Variants in SH3D19 observed in about 807,000 individuals in gnomAD.
SH3D19 encodes the protein SH3 domain-containing protein 19.
A neutral mutation model predicts 112.1 loss-of-function variants in SH3D19; 58 were observed. The ratio of observed to expected loss-of-function variants is 0.52; its 90% CI spans 0.42 to 0.64. The LOEUF is 0.64. SH3D19 is among the 30% of genes least tolerant of loss of function. The probability of loss-of-function intolerance (pLI) is 0.00; values close to 1 mark genes in which losing one functional copy is unlikely to be tolerated. For synonymous variants in SH3D19, 391 were observed against 448.5 expected (o/e 0.87, Z 1.62); for missense variants, 1,090 against 1,263.4 (o/e 0.86, Z 2.08).
chr4:151,215,304 G>A (rs574442512), intron 2 of SH3D19, among the ~76,000 whole-genome samples: 12 of 152,280 alleles, frequency 7.9e-5, no homozygotes, highest in African/African-American at 2.6e-4. Context: ...ATGACCAAGA[G>A]AAACTACTGG....
intron 1 of SH3D19, among the ~76,000 whole-genome samples, chr4:151,287,203 T>C (rs1774885647): frequency 6.6e-6 from 1 of 150,968 alleles, no homozygotes; most frequent in African/African-American, 2.4e-5. Context: ...TAGCTGGGTG[T>C]GGTGGCTCAT....
chr4:151,255,356 G>A (rs562979264), intron 1 of SH3D19, among the ~76,000 whole-genome samples: 1,581 of 150,630 alleles, frequency 0.01, 29 homozygotes, highest in African/African-American at 0.036. Flanking sequence ...ACAGGGTCGC[G>A]GCCGGGCAGA....
chr4:151,322,543 G>C (rs1006228113), intron 1 of SH3D19, among the ~76,000 whole-genome samples: 3 of 127,834 alleles, frequency 2.3e-5, no homozygotes, highest in African/African-American at 9.2e-5. Context: ...ATTTATTTTA[G>C]AATCATGCTG....
chr4:151,197,809 A>C (rs1290197459), intron 2 of SH3D19, among the ~76,000 whole-genome samples: 3 of 152,248 alleles, frequency 2.0e-5, no homozygotes, highest in African/African-American at 7.2e-5. Flanking sequence ...TATTTTAAGC[A>C]TCTGAAAATG....
At position 151,165,597 on chromosome 4, in the gene SH3D19, G is replaced by T. The variant is rs1205101193; in HGVS notation, c.1634C>A (p.Pro545Gln). The T allele has an allele frequency of 1.2e-6, 2 of 1,613,328 alleles. No individual in the cohort carries two copies. The highest frequency in any genetic ancestry group is 1.7e-6 in the Non-Finnish European group (2 of 1,179,392). The change falls in exon 8 of 20, where the codon CCA (proline) becomes CAA (glutamine). Residue 545 changes from proline (P) to glutamine (Q), a missense_variant. Physicochemically the swap from Pro to Gln is moderately conservative, Grantham distance 76. Transcript: ENST00000604030. ...KPTVIRIPAK[P>Q]GKCLHEDPQS... ...AGCAGAGAAGTGCTTACATTTTCCT[G>T]GTTTGGCTGGAATTCGAATTACAGT...
At chr4:151,190,709 T>C (rs1225418886) in intron 2 of SH3D19, among the ~76,000 whole-genome samples, 1 of 152,176 alleles carries the variant, frequency 6.6e-6, no homozygotes, top group Non-Finnish European at 1.5e-5. Flanking sequence ...AACACCTGGA[T>C]GTCCAGGCAG....
intron 1 of SH3D19, among the ~76,000 whole-genome samples, chr4:151,237,212 C>A (rs906839819): frequency 6.6e-6 from 1 of 152,168 alleles, no homozygotes; most frequent in African/African-American, 2.4e-5. Flanking sequence ...TAACACTCAC[C>A]GCGAGGGTCT....
chr4:151,156,213 T>A (rs1756080003), intron 9 of SH3D19, among the ~76,000 whole-genome samples: 1 of 152,158 alleles, frequency 6.6e-6, no homozygotes, highest in Admixed American at 6.5e-5. Context: ...ATTCATGGAT[T>A]AGAAGAATTA....
At chr4:151,203,173 C>A (rs966976135) in intron 2 of SH3D19, among the ~76,000 whole-genome samples, 1 of 152,100 alleles carries the variant, frequency 6.6e-6, no homozygotes, top group African/African-American at 2.4e-5. Flanking sequence ...GGTGGAATTC[C>A]CATGACAGGA....
Position 151,176,510 on chromosome 4 carries a change from G to A in SH3D19, c.529+24C>T, listed in dbSNP as rs1016031757. 7 of 1,231,842 alleles carry A rather than the reference G, an allele frequency of 5.7e-6. No individual in the cohort carries two copies. In the African/African-American group the frequency reaches 9.3e-5, roughly 16 times the overall value. 76.3% of individuals were successfully genotyped at this position (1,231,842 alleles called of 1,614,324 possible). ...CTTCCCTAGAACTAGGTCAGAATTA[G>A]GGAAGACAAATTACTTGCATTACTT... On this transcript the variant is annotated intron_variant, in intron 6 of 19. Transcript: ENST00000604030.
chr4:151,258,045 T>C (rs1171790062), intron 1 of SH3D19, among the ~76,000 whole-genome samples: 1 of 152,096 alleles, frequency 6.6e-6, no homozygotes, highest in Admixed American at 6.5e-5. Context: ...TAGTCCCTTG[T>C]CCCCCTTTTC....
chr4:151,227,518 T>A (rs1178185473), intron 1 of SH3D19, among the ~76,000 whole-genome samples: 1 of 152,232 alleles, frequency 6.6e-6, no homozygotes, highest in Non-Finnish European at 1.5e-5. Flanking sequence ...TTTAAAACTT[T>A]TCTGTTTTAA....
rs1751536299 is a variant in SH3D19, at chr4:151,135,093, C to T, written c.2467G>A (p.Val823Ile). Residue 823 changes from valine (V) to isoleucine (I), a missense_variant, in exon 15 of 20, where the codon GTT becomes ATT. Val to Ile is a conservative substitution (Grantham distance 29, BLOSUM62 3). Transcript: ENST00000604030. ...ACTTACTTAACACAATGAGATGAAA[C>T]ACATTCTCTTTTCCCATTTCCTCCT... ...PEGGNGKRECVSSHCVKGSRC... is the reference protein window; with the variant it reads ...PEGGNGKRECISSHCVKGSRC... The T allele has an allele frequency of 6.2e-7, 1 of 1,604,568 alleles. No homozygotes were observed. The highest frequency in any genetic ancestry group is 1.3e-5 in the African/African-American group (1 of 74,514).
At chr4:151,184,851 T>A (rs1183614503) in intron 3 of SH3D19, among the ~76,000 whole-genome samples, 1 of 152,158 alleles carries the variant, frequency 6.6e-6, no homozygotes, top group Non-Finnish European at 1.5e-5. Flanking sequence ...GAAATTGAAG[T>A]GTGGCTTCCA....
intron 1 of SH3D19, chr4:151,291,025 T>C (rs1775280278): frequency 2.1e-6 from 2 of 938,736 alleles, no homozygotes; most frequent in Non-Finnish European, 3.1e-6. Flanking sequence ...ATGGGTCTCA[T>C]GGCCCAGTTT....
chr4:151,178,918 C>A (rs1760385994), intron 4 of SH3D19, among the ~76,000 whole-genome samples: 1 of 152,076 alleles, frequency 6.6e-6, no homozygotes, highest in Non-Finnish European at 1.5e-5. Flanking sequence ...TTCTCTTTTC[C>A]CTTCCTTTTT....
chr4:151,228,742 A>G lies in SH3D19; in HGVS notation c.113-2656T>C, dbSNP rs1486701325. ...ATTTGGATGAAAGCCCAAGAATGAG[A>G]ACAGATCTATAGCAAACATGGAAAT... On this transcript the variant is annotated intron_variant, in intron 1 of 19. Transcript: ENST00000604030. 3.3e-5 allele frequency among the ~76,000 whole-genome samples: 5 copies of G among 152,352 alleles called. No homozygotes were observed. The East Asian group carries it at 7.7e-4, about 23-fold the overall frequency.
rs547960280 is a variant in SH3D19 at position 151,122,995 on chromosome 4, G to A, written c.3028-788C>T. Among the ~76,000 whole-genome samples the A allele has an allele frequency of 3.3e-5, 5 of 152,042 alleles. No individual in the cohort carries two copies. The East Asian group carries it at 7.8e-4, about 24-fold the overall frequency. ...GCCTCCCGAGCAGCTGGGGTTACAG[G>A]TGCCTGCCACCACGTCCAGCTATTT... On this transcript the variant is annotated intron_variant, in intron 19 of 19. Transcript: ENST00000604030.
At chr4:151,204,051 T>TA (rs1227121326) in intron 2 of SH3D19, among the ~76,000 whole-genome samples, 1 of 152,198 alleles carries the variant, frequency 6.6e-6, no homozygotes, top group Non-Finnish European at 1.5e-5. Flanking sequence ...TCATCTTACA[T>TA]TAATATATTT....
Sources: allele counts gnomAD v4.1 joint callset (sites outside exome capture counted in the v4.1 genomes callset), GRCh38; gene constraint gnomAD v4.1.1; transcripts MANE v1.5; gene names NCBI Gene and HGNC (gene_info 2026-07-23, HGNC 2026-07-21).